Variants in NSL1 observed in about 807,000 individuals in gnomAD.
NSL1 encodes NSL1 component of MIS12 kinetochore complex.
A neutral mutation model predicts 25.4 loss-of-function variants in NSL1; 11 were observed. The observed-to-expected ratio is 0.43, with a 90% CI of 0.27 to 0.72. The LOEUF (loss-of-function observed/expected upper bound fraction) is 0.72, where lower values mean the gene tolerates loss of function less well. Among genes scored for constraint, NSL1 ranks in the 30% least tolerant of loss-of-function variants. The pLI, the probability that NSL1 is intolerant of heterozygous loss-of-function variation, is 0.19. For synonymous variants in NSL1, 118 were observed against 120.6 expected (o/e 0.98, Z 0.14); for missense variants, 330 against 342.7 (o/e 0.96, Z 0.29).
chr1:212,778,964 T>G (rs868238819), intron 4 of NSL1, among the ~76,000 whole-genome samples: 3 of 127,734 alleles, frequency 2.3e-5, no homozygotes, highest in African/African-American at 6.0e-5. Context: ...GAGCGCCTCT[T>G]CCCGGCCGCC....
chr1:212,757,715 A>G (rs1157541425), intron 4 of NSL1, among the ~76,000 whole-genome samples: 3 of 152,234 alleles, frequency 2.0e-5, no homozygotes, highest in Non-Finnish European at 4.4e-5. Flanking sequence ...CAAGCCACGG[A>G]TGAGGGATCT....
chr1:212,740,742 T>C (rs1395093502), intron 4 of NSL1, among the ~76,000 whole-genome samples: 1 of 152,218 alleles, frequency 6.6e-6, no homozygotes, highest in African/African-American at 2.4e-5. Context: ...TTAATCACTA[T>C]ACATTAGTTT....
At chr1:212,776,785 T>TA (rs1221190673) in intron 4 of NSL1, among the ~76,000 whole-genome samples, 3 of 151,262 alleles carry the variant, frequency 2.0e-5, no homozygotes, top group Non-Finnish European at 4.4e-5. Flanking sequence ...ATTTGGAAAC[T>TA]AAAAAATAGA....
In NSL1 at chr1:212,728,877, G is replaced by A. The variant is rs1312794339; in HGVS notation, c.*9531C>T. ...GAGGGCAAGACTGGGAGTGCTGGGG[G>A]TGGGGAGGCCAGAGTCCACCACTCT... On this transcript the variant is annotated 3_prime_UTR_variant, in exon 6 of 6. Coordinates refer to ENST00000366977, the MANE Select transcript of NSL1 (RefSeq NM_015471.4). 3 of 985,256 alleles carry A rather than the reference G, an allele frequency of 3.0e-6. No homozygotes were observed. Among genetic ancestry groups the A allele is most frequent in the Non-Finnish European group, 3.6e-6 (3 of 829,930 alleles). 61.0% of individuals were successfully genotyped at this position (985,256 alleles called of 1,614,324 possible). A position where few individuals can be genotyped will look rare whatever the true frequency, so the allele number is the denominator to read the frequency against.
chr1:212,742,585 T>C (rs960702632), intron 4 of NSL1, among the ~76,000 whole-genome samples: 3 of 152,174 alleles, frequency 2.0e-5, no homozygotes, highest in Admixed American at 1.3e-4. Context: ...AAAATTCCCA[T>C]AATTTAGACT....
chr1:212,775,827 G>GT (rs921580663), intron 4 of NSL1, among the ~76,000 whole-genome samples: 75 of 148,752 alleles, frequency 5.0e-4, no homozygotes, highest in African/African-American at 1.1e-3. Context: ...TAAATTGGTG[G>GT]TTTTTTTTTG....
At chr1:212,779,478 A>C (rs368890610) in intron 4 of NSL1, among the ~76,000 whole-genome samples, 14,769 of 62,092 alleles carry the variant, frequency 0.24, 1,445 homozygotes, top group African/African-American at 0.39. Context: ...GCCCCTCTGC[A>C]CGGCCAGCCG....
chr1:212,791,367 A>G (rs1661248171), intron 1 of NSL1, among the ~76,000 whole-genome samples, 163 bp downstream of exon 1: 2 of 152,230 alleles, frequency 1.3e-5, no homozygotes, highest in African/African-American at 4.8e-5. Context: ...AGCTGACATT[A>G]GCATCTATTT....
At chr1:212,775,240 G>A (rs778179901) in intron 4 of NSL1, among the ~76,000 whole-genome samples, 6 of 152,158 alleles carry the variant, frequency 3.9e-5, no homozygotes, top group Non-Finnish European at 7.4e-5. Context: ...CTAGGACCAG[G>A]GAAGCAAGAT....
At chr1:212,767,646 G>C (rs751608962) in intron 4 of NSL1, among the ~76,000 whole-genome samples, 5 of 152,006 alleles carry the variant, frequency 3.3e-5, no homozygotes, top group Non-Finnish European at 7.4e-5. Context: ...CCACAGAGTG[G>C]GAGAAAATAT....
chr1:212,737,653 A>G lies in NSL1; in HGVS notation c.*755T>C. 5 of 951,268 alleles carry G rather than the reference A, an allele frequency of 5.3e-6. No homozygotes were observed. Among genetic ancestry groups the G allele is most frequent in the Non-Finnish European group, 5.0e-6 (4 of 798,788 alleles). 58.9% of individuals were successfully genotyped at this position (951,268 alleles called of 1,614,324 possible). ...AATCTGATATATATTTTGAACTGGAATGATTTGTAAAGAAATAAATAAGAA... is the reference window on the plus strand; with the variant it reads ...AATCTGATATATATTTTGAACTGGAGTGATTTGTAAAGAAATAAATAAGAA... On this transcript the variant is annotated 3_prime_UTR_variant, in exon 6 of 6. Coordinates refer to ENST00000366977, the MANE Select transcript of NSL1 (RefSeq NM_015471.4).
intron 4 of NSL1, among the ~76,000 whole-genome samples, chr1:212,770,593 T>C (rs1660056639): frequency 1.3e-5 from 2 of 152,206 alleles, no homozygotes; most frequent in South Asian, 2.1e-4. Context: ...CAGATGGCTT[T>C]CCTGCTAAAT....
chr1:212,745,170 A>AC lies in NSL1; in HGVS notation c.500-5570_500-5569insG, dbSNP rs1282065213. Among the ~76,000 whole-genome samples, 184 of 27,324 alleles carry AC rather than the reference A, an allele frequency of 6.7e-3. 1 individual carries two copies. The highest frequency in any genetic ancestry group is 0.038 in the Middle Eastern group (2 of 52). 17.9% of individuals were successfully genotyped at this position (27,324 alleles called of 152,430 possible). ...AAACAAACAAACAAACTATATATAT[A>AC]TATATATATATATATATATATATAT... On this transcript the variant is annotated intron_variant, in intron 4 of 5. Coordinates refer to ENST00000366977, the MANE Select transcript of NSL1 (RefSeq NM_015471.4).
At chr1:212,759,417 G>A (rs111832930) in intron 4 of NSL1, among the ~76,000 whole-genome samples, 3,467 of 152,220 alleles carry the variant, frequency 0.023, 63 homozygotes, top group South Asian at 0.042. Context: ...TGAGGCATGG[G>A]AAGAAAGGGA....
In NSL1 at chr1:212,732,222, T is replaced by A. The variant is rs1010270116; in HGVS notation, c.*6186A>T. 4 of 981,504 alleles carry A rather than the reference T, an allele frequency of 4.1e-6. No homozygotes were observed. Among genetic ancestry groups the A allele is most frequent in the African/African-American group, 1.8e-5 (1 of 57,106 alleles). The allele number at this position is 981,504 out of a possible 1,614,324, so 60.8% of individuals were successfully genotyped here. On this transcript the variant is annotated 3_prime_UTR_variant, in exon 6 of 6. Coordinates refer to ENST00000366977, the MANE Select transcript of NSL1 (RefSeq NM_015471.4). ...CATCTTAATCATATTACAAAACATC[T>A]CCTTTATACAATTTTCTGCATAGTT... is the stretch of plus-strand genomic sequence containing the variant.
chr1:212,767,791 T>C (rs1242489786), intron 4 of NSL1, among the ~76,000 whole-genome samples: 2 of 152,088 alleles, frequency 1.3e-5, no homozygotes, highest in Non-Finnish European at 2.9e-5. Context: ...AAATAAGATG[T>C]ACAAACAGCC....
chr1:212,771,727 A>C (rs1660126806), intron 4 of NSL1, among the ~76,000 whole-genome samples: 1 of 152,170 alleles, frequency 6.6e-6, no homozygotes, highest in African/African-American at 2.4e-5. Context: ...GAACTAGCTA[A>C]AGAAGAAATC....
At chr1:212,784,563 T>C (rs1660863406) in intron 2 of NSL1, 70 bp from the exon 3 acceptor site, 1 of 957,328 alleles carries the variant, frequency 1.0e-6, no homozygotes, top group East Asian at 2.7e-5. Context: ...TGTATGGAAA[T>C]GTGCTATAAA....
At chr1:212,743,486 C>A (rs1398448638) in intron 4 of NSL1, among the ~76,000 whole-genome samples, 2 of 149,994 alleles carry the variant, frequency 1.3e-5, no homozygotes, top group African/African-American at 4.9e-5. Flanking sequence ...TTTTTTAGCT[C>A]AATTTTCCCT....
Sources: allele counts gnomAD v4.1 joint callset (sites outside exome capture counted in the v4.1 genomes callset), GRCh38; gene constraint gnomAD v4.1.1; transcripts MANE v1.5; gene names NCBI Gene and HGNC (gene_info 2026-07-23, HGNC 2026-07-21).